Variants in RECK observed in about 807,000 individuals in gnomAD.
RECK encodes the protein reversion-inducing cysteine-rich protein with Kazal motifs.
In RECK, 69 loss-of-function variants were observed where a neutral mutation model predicts 115.1. The observed-to-expected ratio is 0.60, with a 90% CI of 0.49 to 0.73. RECK has a LOEUF of 0.73. Ranked by LOEUF, RECK falls within the 30% of genes least tolerant of loss-of-function variation. The probability of loss-of-function intolerance (pLI) is 0.00; values close to 1 mark genes in which losing one functional copy is unlikely to be tolerated. For synonymous variants in RECK, 414 were observed against 419.7 expected (o/e 0.99, Z 0.17); for missense variants, 1,047 against 1,203.7 (o/e 0.87, Z 1.93).
At chr9:36,048,432 G>A (rs1821158036) in intron 1 of RECK, among the ~76,000 whole-genome samples, 2 of 152,012 alleles carry the variant, frequency 1.3e-5, no homozygotes, top group African/African-American at 2.4e-5. Flanking sequence ...TGATGAAGCA[G>A]TGTTGTTTTG....
At chr9:36,093,769 A>G (rs918513740) in intron 10 of RECK, among the ~76,000 whole-genome samples, 2 of 152,212 alleles carry the variant, frequency 1.3e-5, no homozygotes, top group Admixed American at 1.3e-4. Flanking sequence ...GCTAAGTCAG[A>G]TAAATACAAA....
intron 2 of RECK, among the ~76,000 whole-genome samples, chr9:36,057,242 A>G (rs1821564837): frequency 6.6e-6 from 1 of 152,056 alleles, no homozygotes; most frequent in South Asian, 2.1e-4. Context: ...GATCTTCACC[A>G]GTATCACGGG....
intron 1 of RECK, among the ~76,000 whole-genome samples, chr9:36,047,841 A>G (rs1043660213): frequency 1.3e-5 from 2 of 150,362 alleles, no homozygotes; most frequent in Non-Finnish European, 3.0e-5. Flanking sequence ...AGCTAACCCC[A>G]CAAGTCTTTT....
chr9:36,115,652 T>C (rs1824230102), intron 16 of RECK, among the ~76,000 whole-genome samples: 1 of 152,196 alleles, frequency 6.6e-6, no homozygotes, highest in Admixed American at 6.5e-5. Flanking sequence ...TAAATTTCCA[T>C]AAAACCATAA....
rs760473879 is a variant in RECK at position 36,108,095 on chromosome 9, T to A, written c.1696T>A (p.Leu566Ile). The A allele has an allele frequency of 2.5e-5, 41 of 1,613,958 alleles. No homozygotes were observed. Among genetic ancestry groups the A allele is most frequent in the Admixed American group, 6.7e-5 (4 of 60,000 alleles). ...CTGTTCATGTGGACAAAGTGGACTC[T>A]TAGAAAACTGTATGGAAATGCACTG... ...KICSCGQSGL[L>I]ENCMEMHCID... Residue 566 changes from leucine (L) to isoleucine (I), a missense_variant, in exon 14 of 21, where the codon TTA (leucine) becomes ATA (isoleucine). By Grantham distance (5) the Leu-to-Ile change is conservative. Coordinates refer to ENST00000377966, the MANE Select transcript of RECK (RefSeq NM_021111.3).
rs899222011 is a variant in RECK, at chr9:36,061,512, A to G, written c.271+1357A>G. ...TTTATTCCATAATTTCATAGCCCAC[A>G]TAACACCTAACAGAGTGCCTTGTAC... is the stretch of plus-strand genomic sequence containing the variant. On this transcript the variant is annotated intron_variant, in intron 4 of 20. Coordinates refer to ENST00000377966, the MANE Select transcript of RECK (RefSeq NM_021111.3). Among the ~76,000 whole-genome samples, 4 of 152,208 alleles carry G rather than the reference A, an allele frequency of 2.6e-5. No individual in the cohort carries two copies. The South Asian group carries it at 6.2e-4, about 24-fold the overall frequency.
In RECK at chr9:36,122,856, T is replaced by C. The variant is rs1268857489; in HGVS notation, c.2727T>C (p.Ile909=). 1 of 1,613,970 alleles carries C rather than the reference T, an allele frequency of 6.2e-7. No individual in the cohort carries two copies. Among genetic ancestry groups the C allele is most frequent in the Admixed American group, 1.7e-5 (1 of 60,002 alleles). ...IEACNKEAEK[I]ESLINSDSPT... is the part of the protein sequence containing the mutation. Reference sequence around the variant, plus strand: ...CCTGCAATAAAGAAGCAGAGAAGATTGAGTCCCTTATCAACTCTGACAGCC... The same window carrying C: ...CCTGCAATAAAGAAGCAGAGAAGATCGAGTCCCTTATCAACTCTGACAGCC... The change falls in exon 21 of 21, where the codon ATT becomes ATC. Residue 909 remains isoleucine, a synonymous_variant. Transcript: ENST00000377966.
intron 14 of RECK, among the ~76,000 whole-genome samples, chr9:36,109,716 C>T (rs957473144): frequency 1.3e-5 from 2 of 152,002 alleles, no homozygotes; most frequent in African/African-American, 4.8e-5. Context: ...TGGTGGTGTA[C>T]ACCTATAGTC....
intron 6 of RECK, among the ~76,000 whole-genome samples, chr9:36,071,094 A>G (rs1426897349): frequency 6.6e-6 from 1 of 152,210 alleles, no homozygotes; most frequent in Non-Finnish European, 1.5e-5. Flanking sequence ...GCTGTAAACC[A>G]TAGGAATAGC....
At chr9:36,089,201 G>C (rs1415010999) in intron 9 of RECK, among the ~76,000 whole-genome samples, 4 of 152,140 alleles carry the variant, frequency 2.6e-5, no homozygotes, top group African/African-American at 9.7e-5. Flanking sequence ...ATATATTTAT[G>C]GGAAGGATGC....
chr9:36,061,371 TC>T (rs1269628487), intron 4 of RECK, among the ~76,000 whole-genome samples: 1 of 144,484 alleles, frequency 6.9e-6, no homozygotes, highest in East Asian at 2.0e-4. Flanking sequence ...GTACCCAGCA[TC>T]CTTAGTATCC....
At chr9:36,078,561 T>TGG (rs764627563) in intron 6 of RECK, among the ~76,000 whole-genome samples, 12 of 152,222 alleles carry the variant, frequency 7.9e-5, no homozygotes, top group Middle Eastern at 3.4e-3. Flanking sequence ...CCCTCAGTTG[T>TGG]GATAACCAAA....
intron 2 of RECK, among the ~76,000 whole-genome samples, chr9:36,054,274 A>G (rs929711702): frequency 2.0e-5 from 3 of 152,164 alleles, no homozygotes; most frequent in African/African-American, 2.4e-5. Flanking sequence ...GGGAAAAGAT[A>G]TGGTTTGAGG....
chr9:36,097,091 A>G (rs1482181971), intron 10 of RECK, among the ~76,000 whole-genome samples: 1 of 152,220 alleles, frequency 6.6e-6, no homozygotes, highest in Non-Finnish European at 1.5e-5. Flanking sequence ...TGGGAGGCCG[A>G]GGCAGGTGGA....
chr9:36,070,210 T>A (rs1189040505), intron 6 of RECK, among the ~76,000 whole-genome samples: 3 of 152,086 alleles, frequency 2.0e-5, no homozygotes, highest in Non-Finnish European at 2.9e-5. Context: ...TACTGGATTT[T>A]AAAAAAATAA....
chr9:36,120,658 T>A lies in RECK; in HGVS notation c.2465-5T>A. 1.9e-6 allele frequency: 3 copies of A among 1,610,006 alleles called. No individual in the cohort carries two copies. The highest frequency in any genetic ancestry group is 2.6e-6 in the Non-Finnish European group (3 of 1,176,362). On this transcript the variant is annotated splice_polypyrimidine_tract_variant and splice_region_variant and intron_variant, in intron 18 of 20. Transcript: ENST00000377966. ...AACGCACATAAAATGGTTTCTGTTA[T>A]ACAGGTGCTTGTTGCCCATTATGTG... is the stretch of plus-strand genomic sequence containing the variant.
intron 7 of RECK, among the ~76,000 whole-genome samples, chr9:36,082,487 C>T (rs1461635458): frequency 1.3e-5 from 2 of 152,168 alleles, no homozygotes; most frequent in East Asian, 3.9e-4. Context: ...CCTCTTCCTC[C>T]CATACCTCTA....
intron 7 of RECK, among the ~76,000 whole-genome samples, chr9:36,082,185 T>TCTCC (rs1822739672): frequency 6.7e-6 from 1 of 150,246 alleles, no homozygotes; most frequent in Admixed American, 6.6e-5. Context: ...TCTCTCTCTC[T>TCTCC]CTCCTTTTTT....
At chr9:36,111,413 G>A (rs1564134963) in intron 15 of RECK, among the ~76,000 whole-genome samples, 1 of 152,100 alleles carries the variant, frequency 6.6e-6, no homozygotes, top group Non-Finnish European at 1.5e-5. Context: ...TTTTTTCTGA[G>A]AAGGAGCTTT....
Sources: gnomAD v4.1 joint callset for allele counts (sites outside exome capture counted in the v4.1 genomes callset) on GRCh38, gnomAD v4.1.1 for gene constraint, MANE v1.5 for transcripts, NCBI Gene and HGNC (gene_info 2026-07-23, HGNC 2026-07-21) for gene names.